Variants in CDH18 observed in about 807,000 individuals in gnomAD.
The protein encoded by CDH18 is cadherin 18.
A neutral mutation model predicts 67.9 loss-of-function variants in CDH18; 31 were observed. The observed-to-expected ratio is 0.46, with a 90% CI of 0.34 to 0.62. CDH18 has a LOEUF of 0.62. Among genes scored for constraint, CDH18 ranks in the 20% least tolerant of loss-of-function variants. The pLI, the probability that CDH18 is intolerant of heterozygous loss-of-function variation, is 0.01. For missense variants in CDH18, 890 were observed against 975.5 expected, an observed-to-expected ratio of 0.91 and a Z score of 1.17; for synonymous variants, 362 against 347.2, an observed-to-expected ratio of 1.04 and a Z score of -0.48.
intron 1 of CDH18, among the ~76,000 whole-genome samples, chr5:20,431,202 C>T (rs1748704181): frequency 6.6e-6 from 1 of 151,954 alleles, no homozygotes; most frequent in African/African-American, 2.4e-5. Flanking sequence ...AAGATAAGAG[C>T]CTCAGATGCC....
At chr5:20,473,312 T>A (rs1581066636) in intron 1 of CDH18, among the ~76,000 whole-genome samples, 1 of 152,302 alleles carries the variant, frequency 6.6e-6, no homozygotes. Flanking sequence ...AACTTACATC[T>A]TTCCGAATTT....
chr5:20,071,997 A>G (rs1352236457), intron 2 of CDH18, among the ~76,000 whole-genome samples: 2 of 152,150 alleles, frequency 1.3e-5, no homozygotes, highest in Non-Finnish European at 2.9e-5. Flanking sequence ...CACCTAATAT[A>G]TATCTCGTTA....
At chr5:19,966,550 C>A (rs1328984009) in intron 2 of CDH18, among the ~76,000 whole-genome samples, 2 of 151,942 alleles carry the variant, frequency 1.3e-5, no homozygotes, top group African/African-American at 4.8e-5. Flanking sequence ...CCATATCAGT[C>A]ACATGGTATA....
At chr5:20,238,646 C>T (rs1742654422) in intron 2 of CDH18, among the ~76,000 whole-genome samples, 1 of 152,086 alleles carries the variant, frequency 6.6e-6, no homozygotes, top group African/African-American at 2.4e-5. Flanking sequence ...AGCAGTTAAA[C>T]ATATATTAAA....
chr5:20,362,959 C>A (rs1742203694), intron 1 of CDH18, among the ~76,000 whole-genome samples: 1 of 152,188 alleles, frequency 6.6e-6, no homozygotes, highest in South Asian at 2.1e-4. Flanking sequence ...GACCATGGAG[C>A]TTTATGGTAG....
intron 1 of CDH18, among the ~76,000 whole-genome samples, chr5:20,295,872 C>CTTTTTTTT (rs35024141): frequency 8.2e-5 from 9 of 109,974 alleles, no homozygotes; most frequent in Non-Finnish European, 1.3e-4. Flanking sequence ...TCTTTTTTTT[C>CTTTTTTTT]TTTTTTTTTT....
chr5:20,242,625 T>TATATATAC (rs1743050483), intron 2 of CDH18, among the ~76,000 whole-genome samples: 1 of 104,176 alleles, frequency 9.6e-6, no homozygotes, highest in African/African-American at 5.0e-5. Context: ...TATATATATA[T>TATATATAC]ATATATATGT....
At chr5:19,480,917 G>T (rs1054019735) in intron 12 of CDH18, among the ~76,000 whole-genome samples, 1 of 151,960 alleles carries the variant, frequency 6.6e-6, no homozygotes, top group Non-Finnish European at 1.5e-5. Context: ...TGACGAGCTA[G>T]AAATGACTGG....
At chr5:20,007,686 T>A (rs1158355579) in intron 2 of CDH18, among the ~76,000 whole-genome samples, 3 of 148,484 alleles carry the variant, frequency 2.0e-5, no homozygotes, top group African/African-American at 7.7e-5. Context: ...TGTGTGTGTG[T>A]GTGTGTGTGT....
chr5:20,446,262 T>A (rs1749991981), intron 1 of CDH18, among the ~76,000 whole-genome samples: 1 of 152,102 alleles, frequency 6.6e-6, no homozygotes, highest in African/African-American at 2.4e-5. Context: ...TTACCACAAA[T>A]TCCATCAGAG....
chr5:19,632,525 T>C (rs1290243676), intron 5 of CDH18, among the ~76,000 whole-genome samples: 2 of 152,214 alleles, frequency 1.3e-5, no homozygotes, highest in African/African-American at 4.8e-5. Context: ...GTCATTGTTA[T>C]TTCCAAACAC....
At chr5:19,631,435 C>T (rs898362721) in intron 5 of CDH18, among the ~76,000 whole-genome samples, 1 of 151,904 alleles carries the variant, frequency 6.6e-6, no homozygotes, top group Non-Finnish European at 1.5e-5. Flanking sequence ...TACTTAAGTC[C>T]TACGTTTAAG....
At chr5:19,741,503 G>C (rs1296669883) in intron 4 of CDH18, among the ~76,000 whole-genome samples, 1 of 151,260 alleles carries the variant, frequency 6.6e-6, no homozygotes, top group Non-Finnish European at 1.5e-5. Flanking sequence ...TCCTTTTATG[G>C]GTGCAAATAA....
At chr5:20,083,319 G>A (rs1007021462) in intron 2 of CDH18, among the ~76,000 whole-genome samples, 1 of 152,184 alleles carries the variant, frequency 6.6e-6, no homozygotes, top group Non-Finnish European at 1.5e-5. Context: ...ATGAAGACAG[G>A]CATATCTTCT....
At chr5:19,926,100 A>G (rs1793051583) in intron 2 of CDH18, among the ~76,000 whole-genome samples, 1 of 152,088 alleles carries the variant, frequency 6.6e-6, no homozygotes, top group Non-Finnish European at 1.5e-5. Flanking sequence ...TTTTTTTTCA[A>G]ATTGTTGCAA....
At chr5:19,601,181 C>T (rs183744479) in intron 6 of CDH18, among the ~76,000 whole-genome samples, 28 of 152,202 alleles carry the variant, frequency 1.8e-4, no homozygotes, top group South Asian at 2.1e-4. Flanking sequence ...AAGCCAGTTC[C>T]AAGATCTGTT....
At chr5:19,800,349 A>G (rs1204423315) in intron 3 of CDH18, among the ~76,000 whole-genome samples, 1 of 152,128 alleles carries the variant, frequency 6.6e-6, no homozygotes, top group African/African-American at 2.4e-5. Context: ...TCTGCCAACA[A>G]TTGTGCCTAT....
At chr5:19,792,765 A>C (rs1369090412) in intron 3 of CDH18, among the ~76,000 whole-genome samples, 1 of 152,170 alleles carries the variant, frequency 6.6e-6, no homozygotes, top group Non-Finnish European at 1.5e-5. Context: ...AAGTATCAGA[A>C]TATAGACTTA....
At chr5:20,001,929 C>A (rs74489024) in intron 2 of CDH18, among the ~76,000 whole-genome samples, 2,532 of 152,258 alleles carry the variant, frequency 0.017, 80 homozygotes, top group African/African-American at 0.058. Flanking sequence ...GGCCTCAAGT[C>A]ATTTTCAAAG....
Sources: gnomAD v4.1 joint callset for allele counts (sites outside exome capture counted in the v4.1 genomes callset) on GRCh38, gnomAD v4.1.1 for gene constraint, MANE v1.5 for transcripts, NCBI Gene and HGNC (gene_info 2026-07-23, HGNC 2026-07-21) for gene names.